PTPRD: variants seen among roughly 807,000 people sequenced by gnomAD.
PTPRD encodes the protein protein tyrosine phosphatase receptor type D.
A neutral mutation model predicts 214.5 loss-of-function variants in PTPRD; 34 were observed. The ratio of observed to expected loss-of-function variants is 0.16; its 90% CI spans 0.12 to 0.21. PTPRD has a LOEUF of 0.21. Ranked by LOEUF, PTPRD falls within the 10% of genes least tolerant of loss-of-function variation. PTPRD has a pLI of 1.00. For missense variants in PTPRD, 2,545 were observed against 2,398.7 expected (o/e 1.06, Z -1.27); for synonymous variants, 1,128 against 845.7 (o/e 1.33, Z -5.79).
intron 3 of PTPRD, among the ~76,000 whole-genome samples, chr9:10,313,417 C>CACACACACACACACACAT (rs1378031777): frequency 3.1e-4 from 47 of 151,734 alleles, no homozygotes; most frequent in African/African-American, 1.1e-3. Context: ...CACACACACA[C>CACACACACACACACACAT]AAATTTTTAA....
At chr9:10,126,426 T>TACACACACAC (rs57563877) in intron 3 of PTPRD, among the ~76,000 whole-genome samples, 7 of 96,118 alleles carry the variant, frequency 7.3e-5, no homozygotes, top group Non-Finnish European at 1.6e-4. Flanking sequence ...GTTTTATATA[T>TACACACACAC]ACACACACAC....
intron 44 of PTPRD, among the ~76,000 whole-genome samples, chr9:8,324,067 T>C (rs576706454): frequency 1.3e-3 from 200 of 151,878 alleles, no homozygotes; most frequent in African/African-American, 4.7e-3. Flanking sequence ...AGCAAAAAGA[T>C]TAAAACTTAC....
chr9:8,421,458 C>G (rs2094360100), intron 35 of PTPRD, among the ~76,000 whole-genome samples: 1 of 151,710 alleles, frequency 6.6e-6, no homozygotes, highest in African/African-American at 2.4e-5. Context: ...CAGGAATATC[C>G]TGATAAACGA....
At chr9:10,155,614 T>C (rs921851610) in intron 3 of PTPRD, among the ~76,000 whole-genome samples, 1 of 152,172 alleles carries the variant, frequency 6.6e-6, no homozygotes, top group Admixed American at 6.6e-5. Context: ...TTTTGAGGTA[T>C]GTTTCTTCAA....
At chr9:10,407,471 A>G (rs2098382709) in intron 2 of PTPRD, among the ~76,000 whole-genome samples, 1 of 151,572 alleles carries the variant, frequency 6.6e-6, no homozygotes. Context: ...TATCCTACCT[A>G]CTAATATAGT....
chr9:8,692,448 AC>A (rs1361164432), intron 12 of PTPRD, among the ~76,000 whole-genome samples: 1 of 152,140 alleles, frequency 6.6e-6, no homozygotes, highest in Non-Finnish European at 1.5e-5. Flanking sequence ...GGCACCACTC[AC>A]TTCCACATCA....
chr9:9,644,771 C>G (rs941947415), intron 7 of PTPRD, among the ~76,000 whole-genome samples: 1 of 152,124 alleles, frequency 6.6e-6, no homozygotes, highest in South Asian at 2.1e-4. Flanking sequence ...ACCACAAACC[C>G]CACTGGCAGA....
intron 12 of PTPRD, among the ~76,000 whole-genome samples, chr9:8,731,389 A>C (rs1485424556): frequency 6.6e-6 from 1 of 152,200 alleles, no homozygotes; most frequent in Non-Finnish European, 1.5e-5. Context: ...AATACGAAAC[A>C]CAGTTAGGTA....
intron 5 of PTPRD, among the ~76,000 whole-genome samples, chr9:9,821,454 C>T (rs1283549394): frequency 6.6e-6 from 1 of 152,124 alleles, no homozygotes; most frequent in African/African-American, 2.4e-5. Context: ...GTTTGGAAAG[C>T]TTTCAAAACT....
chr9:10,571,433 C>T (rs1330864076), intron 2 of PTPRD, among the ~76,000 whole-genome samples: 3 of 152,012 alleles, frequency 2.0e-5, no homozygotes, highest in Non-Finnish European at 1.5e-5. Flanking sequence ...ATCATAAATG[C>T]TGTGTTAAAT....
chr9:10,132,214 G>T (rs1399652509), intron 3 of PTPRD, among the ~76,000 whole-genome samples: 2 of 151,998 alleles, frequency 1.3e-5, no homozygotes, highest in Non-Finnish European at 2.9e-5. Flanking sequence ...AAATGAAAAT[G>T]ATGTGAGACT....
At chr9:9,426,176 G>C (rs974097052) in intron 8 of PTPRD, among the ~76,000 whole-genome samples, 5 of 152,164 alleles carry the variant, frequency 3.3e-5, no homozygotes, top group Non-Finnish European at 5.9e-5. Context: ...AGCCGTGACA[G>C]ACAGCACCTG....
chr9:9,575,741 AAAAAAG>A (rs2088389100), intron 7 of PTPRD, among the ~76,000 whole-genome samples: 1 of 140,890 alleles, frequency 7.1e-6, no homozygotes, highest in Non-Finnish European at 1.5e-5. Flanking sequence ...AAAAAAAAAA[AAAAAAG>A]AAAGAAAGAA....
At chr9:9,028,069 A>G (rs556837609) in intron 10 of PTPRD, among the ~76,000 whole-genome samples, 1 of 152,058 alleles carries the variant, frequency 6.6e-6, no homozygotes, top group Admixed American at 6.6e-5. Flanking sequence ...CCATTCCCTG[A>G]CAAAGCATTT....
chr9:10,140,664 G>C (rs562037885), intron 3 of PTPRD, among the ~76,000 whole-genome samples: 32 of 152,180 alleles, frequency 2.1e-4, no homozygotes, highest in African/African-American at 7.5e-4. Flanking sequence ...AATTCTCCCA[G>C]AGGTACAAGG....
chr9:8,537,024 A>C (rs1031327563), intron 14 of PTPRD, among the ~76,000 whole-genome samples: 5 of 152,032 alleles, frequency 3.3e-5, no homozygotes, highest in African/African-American at 1.2e-4. Flanking sequence ...AGGAAAAAAC[A>C]TTCTTTTCTT....
At chr9:9,251,997 G>A (rs1433194273) in intron 9 of PTPRD, among the ~76,000 whole-genome samples, 2 of 151,968 alleles carry the variant, frequency 1.3e-5, no homozygotes, top group Admixed American at 6.6e-5. Flanking sequence ...TATATACAAT[G>A]CTTGCTATCC....
chr9:10,594,642 A>G (rs1189840715), intron 2 of PTPRD, among the ~76,000 whole-genome samples: 1 of 152,008 alleles, frequency 6.6e-6, no homozygotes, highest in Admixed American at 6.6e-5. Flanking sequence ...CAATCTTCCA[A>G]GACTGACCCA....
chr9:9,723,339 T>G (rs116634159), intron 7 of PTPRD, among the ~76,000 whole-genome samples: 1 of 152,226 alleles, frequency 6.6e-6, no homozygotes, highest in African/African-American at 2.4e-5. Context: ...ACTTATGGCT[T>G]TATTTCTGGA....
Sources: gnomAD v4.1 joint callset for allele counts (sites outside exome capture counted in the v4.1 genomes callset) on GRCh38, gnomAD v4.1.1 for gene constraint, MANE v1.5 for transcripts, NCBI Gene and HGNC (gene_info 2026-07-23, HGNC 2026-07-21) for gene names.